MED13L: variants seen among roughly 807,000 people sequenced by gnomAD.
The protein encoded by MED13L is mediator complex subunit 13L.
Under a neutral mutation model 220.9 loss-of-function variants are expected in MED13L, and 7 were observed. The observed-to-expected ratio is 0.03, with a 90% CI of 0.02 to 0.06. The LOEUF is 0.06. MED13L is among the 10% of genes least tolerant of loss of function. The pLI, the probability that MED13L is intolerant of heterozygous loss-of-function variation, is 1.00. For synonymous variants in MED13L, 1,011 were observed against 1,015.2 expected, an observed-to-expected ratio of 1.00 and a Z score of 0.08; for missense variants, 1,965 against 2,760.5, an observed-to-expected ratio of 0.71 and a Z score of 6.46.
At chr12:116,103,999 C>CTTTTTTTTTTTTTT (rs36066243) in intron 3 of MED13L, among the ~76,000 whole-genome samples, 23 of 57,464 alleles carry the variant, frequency 4.0e-4, no homozygotes, top group South Asian at 1.0e-3. Context: ...GGACATTGCT[C>CTTTTTTTTTTTTTT]TTTTTTTTTT....
intron 2 of MED13L, among the ~76,000 whole-genome samples, chr12:116,143,010 G>T (rs767303320): frequency 1.6e-4 from 25 of 152,166 alleles, no homozygotes; most frequent in Non-Finnish European, 2.6e-4. Flanking sequence ...CTCAGGGTCT[G>T]CTGGCTTCAG....
At chr12:116,206,703 A>G (rs956046472) in intron 2 of MED13L, among the ~76,000 whole-genome samples, 1 of 152,212 alleles carries the variant, frequency 6.6e-6, no homozygotes, top group Non-Finnish European at 1.5e-5. Context: ...GCACTGATAT[A>G]CAACTGAGTA....
At chr12:116,098,193 C>G (rs372582922) in intron 3 of MED13L, among the ~76,000 whole-genome samples, 1 of 152,010 alleles carries the variant, frequency 6.6e-6, no homozygotes, top group African/African-American at 2.4e-5. Context: ...TTGCAGTGAT[C>G]TGAGATCACG....
At chr12:116,082,826 T>A (rs915494795) in intron 4 of MED13L, 2 of 152,226 alleles carry the variant, frequency 1.3e-5, no homozygotes, top group Non-Finnish European at 2.9e-5. Flanking sequence ...TGAAAACATT[T>A]GATCTAAGGG....
At chr12:116,184,638 C>T (rs946017387) in intron 2 of MED13L, among the ~76,000 whole-genome samples, 3 of 152,076 alleles carry the variant, frequency 2.0e-5, no homozygotes, top group Admixed American at 1.3e-4. Context: ...TCAATTATAC[C>T]AGATCTCTAA....
At chr12:116,235,761 G>T (rs764665212) in intron 2 of MED13L, among the ~76,000 whole-genome samples, 1 of 152,014 alleles carries the variant, frequency 6.6e-6, no homozygotes, top group Non-Finnish European at 1.5e-5. Flanking sequence ...GAACACTGAC[G>T]ATTTTCTCCG....
chr12:116,250,353 A>C (rs976915631), intron 1 of MED13L, among the ~76,000 whole-genome samples: 1 of 151,956 alleles, frequency 6.6e-6, no homozygotes, highest in Non-Finnish European at 1.5e-5. Context: ...ATGTAACTAG[A>C]ATAATTTTTT....
At chr12:116,219,509 T>C (rs1268879691) in intron 2 of MED13L, among the ~76,000 whole-genome samples, 2 of 152,182 alleles carry the variant, frequency 1.3e-5, no homozygotes, top group East Asian at 3.9e-4. Context: ...TTAAGATTTC[T>C]TTACAAAGAG....
intron 2 of MED13L, among the ~76,000 whole-genome samples, chr12:116,163,561 C>T (rs1009441146): frequency 6.6e-6 from 1 of 151,984 alleles, no homozygotes; most frequent in African/African-American, 2.4e-5. Flanking sequence ...GACAGGGTTT[C>T]ACCATGTTGG....
rs1043382678 is a variant in MED13L, at chr12:116,117,667, C to A, written c.311-6155G>T. On this transcript the variant is annotated intron_variant, in intron 2 of 30. Coordinates refer to ENST00000281928, the MANE Select transcript of MED13L (RefSeq NM_015335.5). ...ACCTCCATTCATAAAGTATTAAAAA[C>A]AAAAAAAAAAAGTTTGAGTAATTAA... Among the ~76,000 whole-genome samples, 386 of 141,750 alleles carry A rather than the reference C, an allele frequency of 2.7e-3. 1 individual carries two copies. Among genetic ancestry groups the A allele is most frequent in the Non-Finnish European group, 2.7e-3 (174 of 64,524 alleles). 93.0% of individuals were successfully genotyped at this position (141,750 alleles called of 152,430 possible). A position where few individuals can be genotyped will look rare whatever the true frequency, so the allele number is the denominator to read the frequency against.
At chr12:116,147,794 A>G (rs1232007446) in intron 2 of MED13L, among the ~76,000 whole-genome samples, 1 of 152,054 alleles carries the variant, frequency 6.6e-6, no homozygotes, top group East Asian at 1.9e-4. Flanking sequence ...TGCTAATTTC[A>G]TAATTCTAAA....
chr12:116,038,503 A>T (rs2137531646), intron 4 of MED13L, among the ~76,000 whole-genome samples: 1 of 152,260 alleles, frequency 6.6e-6, no homozygotes, highest in African/African-American at 2.4e-5. Flanking sequence ...TTACAAAAAC[A>T]TCCAACCATT....
intron 28 of MED13L, among the ~76,000 whole-genome samples, chr12:115,967,633 A>G (rs1325428094): frequency 6.6e-6 from 1 of 152,198 alleles, no homozygotes; most frequent in Non-Finnish European, 1.5e-5. Flanking sequence ...TTTCACAGAT[A>G]AGGTAACTCA....
chr12:115,962,818 G>A (rs1038581782), intron 30 of MED13L: 3 of 163,594 alleles, frequency 1.8e-5, no homozygotes, highest in East Asian at 1.6e-4. Flanking sequence ...AGGTCAGATC[G>A]AGATCATCCT....
At chr12:116,085,340 A>T (rs1428801482) in intron 4 of MED13L, among the ~76,000 whole-genome samples, 1 of 152,214 alleles carries the variant, frequency 6.6e-6, no homozygotes, top group African/African-American at 2.4e-5. Flanking sequence ...ACTGATAAAT[A>T]ACCATACAAA....
At chr12:116,172,772 A>C (rs1157607811) in intron 2 of MED13L, among the ~76,000 whole-genome samples, 1 of 152,152 alleles carries the variant, frequency 6.6e-6, no homozygotes, top group African/African-American at 2.4e-5. Flanking sequence ...GGTGAAGAAT[A>C]ATCGAGATTA....
intron 1 of MED13L, among the ~76,000 whole-genome samples, chr12:116,267,875 A>C (rs1593227944): frequency 1.3e-5 from 2 of 152,336 alleles, no homozygotes; most frequent in Admixed American, 1.3e-4. Context: ...AACATGTCTC[A>C]TGATCAGTTG....
Position 115,997,028 on chromosome 12 carries a change from G to C in MED13L, c.2772C>G (p.Pro924=). ...KMEVEDGLGS[P]KPEEIKDFSY... The stretch of plus-strand genomic sequence containing the variant: ...CAACTACCTTAATTTCCTCGGGCTT[G>C]GGACTTCCTAATCCATCTTCCACTT... The change falls in exon 15 of 31, where the codon CCC becomes CCG. Residue 924 remains proline, a synonymous_variant. Coordinates refer to ENST00000281928, the MANE Select transcript of MED13L (RefSeq NM_015335.5). 3 of 1,613,894 alleles carry C rather than the reference G, an allele frequency of 1.9e-6. No homozygotes were observed. The highest frequency in any genetic ancestry group is 2.5e-6 in the Non-Finnish European group (3 of 1,179,802).
chr12:116,136,555 G>A lies in MED13L; in HGVS notation c.311-25043C>T, dbSNP rs1460794974. Among the ~76,000 whole-genome samples, 3 of 152,254 alleles carry A rather than the reference G, an allele frequency of 2.0e-5. No homozygotes were observed. In the East Asian group the frequency reaches 5.8e-4, roughly 29 times the overall value. The stretch of plus-strand genomic sequence containing the variant: ...TACAGCATTTCAAACAAGAGGAAAT[G>A]GTGGAAGACTTGAGTCATCACACCA... On this transcript the variant is annotated intron_variant, in intron 2 of 30. Transcript: ENST00000281928.
Sources: allele counts gnomAD v4.1 joint callset (sites outside exome capture counted in the v4.1 genomes callset), GRCh38; gene constraint gnomAD v4.1.1; transcripts MANE v1.5; gene names NCBI Gene and HGNC (gene_info 2026-07-23, HGNC 2026-07-21).